FAT3: variants seen among roughly 807,000 people sequenced by gnomAD.
The protein encoded by FAT3 is protocadherin Fat 3.
A neutral mutation model predicts 310.2 loss-of-function variants in FAT3; 95 were observed. The ratio of observed to expected loss-of-function variants is 0.31; its 90% confidence interval spans 0.26 to 0.36. The LOEUF (loss-of-function observed/expected upper bound fraction) is 0.36. Ranked by LOEUF, FAT3 falls within the 10% of genes least tolerant of loss-of-function variation. FAT3 has a pLI of 1.00. For missense variants in FAT3, 5,408 were observed against 5,715.6 expected, an observed-to-expected ratio of 0.95 and a Z score of 1.74; for synonymous variants, 2,314 against 2,192.9, an observed-to-expected ratio of 1.06 and a Z score of -1.54.
intron 3 of FAT3, among the ~76,000 whole-genome samples, chr11:92,678,099 C>T (rs1377940936): frequency 3.3e-5 from 5 of 152,126 alleles, no homozygotes; most frequent in Non-Finnish European, 4.4e-5. Context: ...TGTGTAACTA[C>T]AAATCACCCT....
intron 2 of FAT3, among the ~76,000 whole-genome samples, chr11:92,401,631 T>C (rs1950014732): frequency 6.6e-6 from 1 of 152,080 alleles, no homozygotes; most frequent in South Asian, 2.1e-4. Flanking sequence ...TGAGGCTTAA[T>C]TAAGAAGACT....
intron 2 of FAT3, 117 bp downstream of exon 2, chr11:92,355,521 TGCAGAGACGAC>T (rs1948708082): frequency 2.0e-6 from 2 of 1,005,436 alleles, no homozygotes; most frequent in South Asian, 3.5e-5. Context: ...TTGCATTTGG[TGCAGAGACGAC>T]GCACATAGAT....
intron 2 of FAT3, among the ~76,000 whole-genome samples, chr11:92,452,764 A>T (rs1951394748): frequency 6.6e-6 from 1 of 151,962 alleles, no homozygotes; most frequent in Admixed American, 6.6e-5. Context: ...TCCCTATTTT[A>T]TTTATTTATA....
At chr11:92,359,595 C>T (rs549928374) in intron 2 of FAT3, among the ~76,000 whole-genome samples, 1,812 of 148,762 alleles carry the variant, frequency 0.012, 34 homozygotes, top group African/African-American at 0.044. Flanking sequence ...CGTCATCTAG[C>T]CTTAGGTATA....
chr11:92,331,007 A>T (rs74607128), intron 1 of FAT3, among the ~76,000 whole-genome samples: 11,010 of 101,032 alleles, frequency 0.11, 360 homozygotes, highest in African/African-American at 0.3. Flanking sequence ...TGTGTGTGAG[A>T]GAGAGAGAGA....
intron 1 of FAT3, among the ~76,000 whole-genome samples, chr11:92,243,294 AT>A (rs1342457696): frequency 6.6e-6 from 1 of 152,050 alleles, no homozygotes; most frequent in Non-Finnish European, 1.5e-5. Flanking sequence ...TCTGAATTTC[AT>A]TTGTCTCTGC....
chr11:92,427,028 T>C (rs1950650540), intron 2 of FAT3, among the ~76,000 whole-genome samples: 1 of 152,222 alleles, frequency 6.6e-6, no homozygotes, highest in Non-Finnish European at 1.5e-5. Context: ...TTTTTCCATT[T>C]GTTTGTGTCC....
chr11:92,513,267 G>T (rs1953368217), intron 2 of FAT3, among the ~76,000 whole-genome samples: 1 of 152,056 alleles, frequency 6.6e-6, no homozygotes, highest in African/African-American at 2.4e-5. Context: ...AGTGACCCTG[G>T]TTGGGCCTAT....
At position 92,684,135 on chromosome 11, in the gene FAT3, T is replaced by C. The variant is rs1280944456; in HGVS notation, c.3608-13249T>C. Among the ~76,000 whole-genome samples, 5 of 152,152 alleles carry C rather than the reference T, an allele frequency of 3.3e-5. No individual in the cohort carries two copies. The East Asian group carries it at 9.6e-4, about 29-fold the overall frequency. ...TCAGAAGATACTGAATTTTTCAGAGTGCGAACAAAGAAGATGAAAATGTCT... is the reference window on the plus strand; with the variant it reads ...TCAGAAGATACTGAATTTTTCAGAGCGCGAACAAAGAAGATGAAAATGTCT... On this transcript the variant is annotated intron_variant, in intron 3 of 27. Coordinates refer to ENST00000525166, the MANE Select transcript of FAT3 (RefSeq NM_001367949.2).
intron 2 of FAT3, among the ~76,000 whole-genome samples, chr11:92,394,556 G>A (rs1052794024): frequency 2.0e-5 from 3 of 151,964 alleles, no homozygotes; most frequent in East Asian, 3.9e-4. Context: ...GCTACCTAAC[G>A]TGAAATCACA....
At chr11:92,813,973 G>T (rs1004628441) in intron 13 of FAT3, among the ~76,000 whole-genome samples, 1 of 152,148 alleles carries the variant, frequency 6.6e-6, no homozygotes, top group Non-Finnish European at 1.5e-5. Flanking sequence ...GGTCCTGAGG[G>T]CTCTTCAGTG....
intron 4 of FAT3, among the ~76,000 whole-genome samples, chr11:92,711,182 TATATTTC>T (rs1213708081): frequency 6.6e-6 from 1 of 152,226 alleles, no homozygotes; most frequent in African/African-American, 2.4e-5. Flanking sequence ...TGTATACACA[TATATTTC>T]ATATAATCCT....
intron 9 of FAT3, among the ~76,000 whole-genome samples, chr11:92,794,491 A>G (rs1356948933): frequency 6.6e-6 from 1 of 152,150 alleles, no homozygotes; most frequent in East Asian, 1.9e-4. Flanking sequence ...TTTGTCATTA[A>G]GCCTGCTACT....
chr11:92,868,353 G>A (rs576166433), intron 22 of FAT3, among the ~76,000 whole-genome samples: 58 of 152,244 alleles, frequency 3.8e-4, no homozygotes, highest in African/African-American at 1.3e-3. Flanking sequence ...AAGTACCCTG[G>A]GGGGAAATTT....
intron 19 of FAT3, among the ~76,000 whole-genome samples, chr11:92,847,084 G>A (rs1043965816): frequency 6.6e-6 from 1 of 152,256 alleles, no homozygotes; most frequent in African/African-American, 2.4e-5. Flanking sequence ...TTAAGAACAG[G>A]GACTCTTCCT....
At chr11:92,637,296 C>A (rs985785939) in intron 3 of FAT3, among the ~76,000 whole-genome samples, 1 of 152,038 alleles carries the variant, frequency 6.6e-6, no homozygotes. Flanking sequence ...TCTCAGAGCC[C>A]CAGATGTGAT....
chr11:92,581,497 CTCTG>C (rs748395670), intron 3 of FAT3, among the ~76,000 whole-genome samples: 1 of 152,046 alleles, frequency 6.6e-6, no homozygotes, highest in East Asian at 1.9e-4. Context: ...GATGTACTCT[CTCTG>C]TGATGCTTTC....
intron 2 of FAT3, among the ~76,000 whole-genome samples, chr11:92,434,560 C>T (rs1027470921): frequency 6.6e-6 from 1 of 152,142 alleles, no homozygotes; most frequent in African/African-American, 2.4e-5. Flanking sequence ...CTGCACCTGA[C>T]ATTTTCCAGT....
intron 3 of FAT3, among the ~76,000 whole-genome samples, chr11:92,634,417 A>G (rs1591545351): frequency 6.6e-6 from 1 of 152,234 alleles, no homozygotes; most frequent in Non-Finnish European, 1.5e-5. Flanking sequence ...AGGAACAGCC[A>G]GACAGGATTT....
Sources: gnomAD v4.1 joint callset for allele counts (sites outside exome capture counted in the v4.1 genomes callset) on GRCh38, gnomAD v4.1.1 for gene constraint, MANE v1.5 for transcripts, NCBI Gene and HGNC (gene_info 2026-07-23, HGNC 2026-07-21) for gene names.